KCNQ5: variants seen among roughly 807,000 people sequenced by gnomAD.
The protein encoded by KCNQ5 is potassium voltage-gated channel subfamily KQT member 5.
Under a neutral mutation model 98.2 loss-of-function variants are expected in KCNQ5, and 30 were observed. The ratio of observed to expected loss-of-function variants is 0.31; its 90% CI spans 0.23 to 0.41. The LOEUF is 0.41. Among genes scored for constraint, KCNQ5 ranks in the 10% least tolerant of loss-of-function variants. KCNQ5 has a pLI of 1.00. For missense variants in KCNQ5, 835 were observed against 1,182.5 expected, an observed-to-expected ratio of 0.71 and a Z score of 4.31; for synonymous variants, 458 against 449.4, an observed-to-expected ratio of 1.02 and a Z score of -0.24.
At chr6:73,108,400 T>A (rs1403955364) in intron 6 of KCNQ5, among the ~76,000 whole-genome samples, 1 of 152,218 alleles carries the variant, frequency 6.6e-6, no homozygotes, top group Non-Finnish European at 1.5e-5. Context: ...GCTAGTAAAT[T>A]CAGTGCAAGA....
chr6:72,710,372 A>G (rs1424896519), intron 1 of KCNQ5, among the ~76,000 whole-genome samples: 2 of 152,222 alleles, frequency 1.3e-5, no homozygotes, highest in African/African-American at 4.8e-5. Context: ...CAAAAGGCAT[A>G]GAGTGGATGA....
At chr6:72,900,674 T>C (rs1779464407) in intron 1 of KCNQ5, among the ~76,000 whole-genome samples, 1 of 151,940 alleles carries the variant, frequency 6.6e-6, no homozygotes, top group African/African-American at 2.4e-5. Context: ...TACCCAGTAG[T>C]GGGGTTGCTG....
At chr6:73,193,299 C>T (rs1396667921) in intron 13 of KCNQ5, among the ~76,000 whole-genome samples, 2 of 151,478 alleles carry the variant, frequency 1.3e-5, no homozygotes, top group Non-Finnish European at 2.9e-5. Flanking sequence ...AGATTACAGG[C>T]GTGAGCCATA....
chr6:72,954,510 G>A (rs1340797321), intron 1 of KCNQ5, among the ~76,000 whole-genome samples: 7 of 148,580 alleles, frequency 4.7e-5, no homozygotes, highest in South Asian at 2.2e-4. Context: ...TTGCATTCTC[G>A]GAAGATCTTT....
At chr6:73,038,540 T>C (rs1771542164) in intron 2 of KCNQ5, among the ~76,000 whole-genome samples, 1 of 152,134 alleles carries the variant, frequency 6.6e-6, no homozygotes, top group Non-Finnish European at 1.5e-5. Flanking sequence ...CTGTTAAACC[T>C]CTTTTCCTAA....
rs367829787 is a variant in KCNQ5 at position 72,954,197 on chromosome 6, G to A, written c.399-49711G>A. On this transcript the variant is annotated intron_variant, in intron 1 of 13. Coordinates refer to ENST00000370398, the MANE Select transcript of KCNQ5 (RefSeq NM_019842.4). ...TCACTAAAACCATATCAAGCTTCTGGTTCCAACTATAGGTCTGTGTTAGAG... is the reference window on the plus strand; with the variant it reads ...TCACTAAAACCATATCAAGCTTCTGATTCCAACTATAGGTCTGTGTTAGAG... Among the ~76,000 whole-genome samples, 13 of 152,240 alleles carry A rather than the reference G, an allele frequency of 8.5e-5. No individual in the cohort carries two copies. In the East Asian group the frequency reaches 9.7e-4, roughly 11 times the overall value.
At chr6:72,802,620 G>A (rs935337978) in intron 1 of KCNQ5, among the ~76,000 whole-genome samples, 17 of 152,066 alleles carry the variant, frequency 1.1e-4, no homozygotes, top group Non-Finnish European at 1.6e-4. Context: ...AACATAGATC[G>A]TAAGACATAA....
At chr6:73,141,611 T>C (rs1776714306) in intron 10 of KCNQ5, among the ~76,000 whole-genome samples, 1 of 152,232 alleles carries the variant, frequency 6.6e-6, no homozygotes, top group Non-Finnish European at 1.5e-5. Context: ...AATAGCTTCC[T>C]GCTTGAGCTC....
intron 1 of KCNQ5, among the ~76,000 whole-genome samples, chr6:72,805,828 C>T (rs1278666552): frequency 6.6e-6 from 1 of 151,998 alleles, no homozygotes; most frequent in Non-Finnish European, 1.5e-5. Context: ...TTTATTGTTT[C>T]CTCTTCAATT....
chr6:72,804,369 C>T (rs904909227), intron 1 of KCNQ5, among the ~76,000 whole-genome samples: 6 of 151,874 alleles, frequency 4.0e-5, no homozygotes, highest in Middle Eastern at 3.4e-3. Context: ...TTCTCTATCT[C>T]CTTAAGTTCA....
chr6:73,038,587 G>A (rs181986150), intron 2 of KCNQ5, among the ~76,000 whole-genome samples: 43 of 151,534 alleles, frequency 2.8e-4, no homozygotes, highest in African/African-American at 9.4e-4. Context: ...AATGGGTGTT[G>A]GATTTTGTCA....
intron 1 of KCNQ5, among the ~76,000 whole-genome samples, chr6:72,691,880 C>CAAA (rs1768228661): frequency 6.6e-6 from 1 of 152,164 alleles, no homozygotes; most frequent in African/African-American, 2.4e-5. Flanking sequence ...CTTGGATTTT[C>CAAA]AAGCATAAAT....
chr6:72,722,776 A>T (rs994490580), intron 1 of KCNQ5, among the ~76,000 whole-genome samples: 1 of 151,816 alleles, frequency 6.6e-6, no homozygotes, highest in Non-Finnish European at 1.5e-5. Context: ...ATTAAGCATG[A>T]TAATAATTAT....
At chr6:72,918,274 A>G (rs1169077042) in intron 1 of KCNQ5, among the ~76,000 whole-genome samples, 1 of 152,106 alleles carries the variant, frequency 6.6e-6, no homozygotes, top group Non-Finnish European at 1.5e-5. Context: ...GTTTAAACTC[A>G]TGCCAAATTT....
At chr6:72,968,312 A>G (rs1767715227) in intron 1 of KCNQ5, among the ~76,000 whole-genome samples, 1 of 152,246 alleles carries the variant, frequency 6.6e-6, no homozygotes, top group African/African-American at 2.4e-5. Context: ...GGAATACTGA[A>G]TTAGAGAACC....
intron 1 of KCNQ5, among the ~76,000 whole-genome samples, chr6:72,800,485 T>G (rs1281827394): frequency 6.6e-6 from 1 of 152,198 alleles, no homozygotes; most frequent in Admixed American, 6.5e-5. Context: ...CCTTTATCAG[T>G]TTTTATTGCA....
In KCNQ5 at chr6:73,195,446, CT is replaced by C; in HGVS notation, c.*35del. On this transcript the variant is annotated 3_prime_UTR_variant, in exon 14 of 14. Coordinates refer to ENST00000370398, the MANE Select transcript of KCNQ5 (RefSeq NM_019842.4). ...CATTTTCTTTCCAGGCATAGCAGTT[CT>C]TTAGCCATACATATCATTGCATGAA... The C allele has an allele frequency of 6.3e-7, 1 of 1,598,814 alleles. No individual in the cohort carries two copies.
At chr6:72,913,537 A>G (rs903345998) in intron 1 of KCNQ5, among the ~76,000 whole-genome samples, 9 of 152,248 alleles carry the variant, frequency 5.9e-5, no homozygotes, top group Non-Finnish European at 1.2e-4. Context: ...TTTCAAAAGT[A>G]TACAGACACT....
At chr6:72,851,028 G>C (rs191342781) in intron 1 of KCNQ5, among the ~76,000 whole-genome samples, 5 of 152,256 alleles carry the variant, frequency 3.3e-5, no homozygotes, top group African/African-American at 4.8e-5. Flanking sequence ...AGTCTGCTTA[G>C]AAGTAGGTTC....
Sources: gnomAD v4.1 joint callset for allele counts (sites outside exome capture counted in the v4.1 genomes callset) on GRCh38, gnomAD v4.1.1 for gene constraint, MANE v1.5 for transcripts, NCBI Gene and HGNC (gene_info 2026-07-23, HGNC 2026-07-21) for gene names.